PDXDC1: variants seen among roughly 807,000 people sequenced by gnomAD.
The protein encoded by PDXDC1 is pyridoxal-dependent decarboxylase domain-containing protein 1.
Under a neutral mutation model 100.1 loss-of-function variants are expected in PDXDC1, and 42 were observed. The observed-to-expected ratio is 0.42, with a 90% CI of 0.33 to 0.54. PDXDC1 has a LOEUF of 0.54. Among genes scored for constraint, PDXDC1 ranks in the 20% least tolerant of loss-of-function variants. PDXDC1 has a pLI of 0.10. For missense variants in PDXDC1, 636 were observed against 979.2 expected (o/e 0.65, Z 4.68); for synonymous variants, 260 against 371.7 (o/e 0.70, Z 3.46).
intron 16 of PDXDC1, chr16:15,104,184 C>G: frequency 3.8e-6 from 3 of 780,746 alleles, no homozygotes; most frequent in Non-Finnish European, 5.3e-6. Context: ...AAAAAAAAAA[C>G]AAATAATAAT....
At chr16:15,146,936 C>T in the PDXDC1 span, among the ~76,000 whole-genome samples, 1 of 152,056 alleles carries the variant, frequency 6.6e-6, no homozygotes, top group Non-Finnish European at 1.5e-5. Context: ...GAGACTGGAC[C>T]AAGGTCACAC....
chr16:15,061,748 A>C (rs2044720323), intron 16 of PDXDC1: 1 of 1,606,700 alleles, frequency 6.2e-7, no homozygotes, highest in Non-Finnish European at 8.5e-7. Context: ...CTGCCGTCAG[A>C]GGGGACTGGG....
At chr16:15,076,500 A>G in intron 16 of PDXDC1, 2 of 1,115,656 alleles carry the variant, frequency 1.8e-6, no homozygotes, top group South Asian at 1.2e-5. Flanking sequence ...GAGCAGCACT[A>G]GCTGTTTCCA....
At position 15,057,731 on chromosome 16, in the gene PDXDC1, G is replaced by C. The variant is rs2151745499; in HGVS notation, c.1399+27675G>C. Reference sequence around the variant, plus strand: ...TGGTACATACTAAACACTAAAGATAGCTATTATTGGAATTGCAGAGCAAAG... The same window carrying C: ...TGGTACATACTAAACACTAAAGATACCTATTATTGGAATTGCAGAGCAAAG... On this transcript the variant is annotated intron_variant, in intron 16 of 16. Transcript: ENST00000535621. 1.3e-5 allele frequency among the ~76,000 whole-genome samples: 2 copies of C among 152,288 alleles called. 1 individual carries two copies. Among genetic ancestry groups the C allele is most frequent in the South Asian group, 4.1e-4 (2 of 4,820 alleles).
chr16:15,004,840 T>G (rs1180898558), intron 5 of PDXDC1, among the ~76,000 whole-genome samples: 1 of 152,382 alleles, frequency 6.6e-6, no homozygotes, highest in East Asian at 1.9e-4. Context: ...TGATTACATA[T>G]AATACCTAAT....
chr16:15,130,788 C>A, intron 16 of PDXDC1: 3 of 1,025,802 alleles, frequency 2.9e-6, no homozygotes, highest in Non-Finnish European at 4.6e-6. Context: ...AGACAGGTAG[C>A]GGCCTGGGGC....
At chr16:15,128,271 G>A (rs536028009) in intron 16 of PDXDC1, 2 of 1,611,094 alleles carry the variant, frequency 1.2e-6, no homozygotes, top group African/African-American at 1.3e-5. Context: ...GGCTGTGCGG[G>A]GTGGCGATCC....
chr16:15,000,220 GCCTT>G (rs1376827608), intron 3 of PDXDC1, among the ~76,000 whole-genome samples: 3 of 152,292 alleles, frequency 2.0e-5, no homozygotes, highest in Admixed American at 2.0e-4. Flanking sequence ...GTAATTCTCA[GCCTT>G]AAGCCACTGA....
chr16:14,980,576 C>T (rs1967739756), intron 1 of PDXDC1, among the ~76,000 whole-genome samples: 2 of 152,254 alleles, frequency 1.3e-5, no homozygotes, highest in African/African-American at 4.8e-5. Context: ...AGCTCCACCT[C>T]CCAGGTTCAC....
rs770225850 is a variant in PDXDC1 at position 15,065,295 on chromosome 16, C to A, written c.1399+35239C>A. ...CAGATCTGCACTGAGTCTCCTCCAG[C>A]GGTACTCCTAATGACTGGCAGCATC... is the stretch of plus-strand genomic sequence containing the variant. On this transcript the variant is annotated intron_variant, in intron 16 of 16. Coordinates refer to the PDXDC1 transcript ENST00000535621. The A allele has an allele frequency of 1.9e-6, 3 of 1,613,810 alleles. No homozygotes were observed. The African/African-American group carries it at 4.0e-5, about 22-fold the overall frequency.
At chr16:15,128,068 G>A (rs201631003) in intron 16 of PDXDC1, 12 of 1,608,760 alleles carry the variant, frequency 7.5e-6, no homozygotes, top group Non-Finnish European at 1.0e-5. Context: ...TGACCAGGAA[G>A]AAGGTGCTGT....
At chr16:15,097,730 C>T (rs1353047617) in intron 16 of PDXDC1, among the ~76,000 whole-genome samples, 2 of 152,020 alleles carry the variant, frequency 1.3e-5, no homozygotes, top group East Asian at 1.9e-4. Context: ...TTGACACTTA[C>T]TCTGTGCTGC....
At position 15,036,371 on chromosome 16, in the gene PDXDC1, ACT is replaced by A; in HGVS notation, c.*97_*98del. The A allele has an allele frequency of 8.2e-7, 1 of 1,219,074 alleles. No homozygotes were observed. Among genetic ancestry groups the A allele is most frequent in the Non-Finnish European group, 1.2e-6 (1 of 863,746 alleles). The allele number at this position is 1,219,074 out of a possible 1,614,324, so 75.5% of individuals were successfully genotyped here. A position where few individuals can be genotyped will look rare whatever the true frequency, so the allele number is the denominator to read the frequency against. ...ACTGTGCCACATACTAATATAAATT[ACT>A]GTTGTTTGTGCTTCACTGGGATTTT... On this transcript the variant is annotated 3_prime_UTR_variant, in exon 23 of 23. Transcript: ENST00000396410.
downstream of PDXDC1, chr16:15,039,944 T>A: frequency 7.1e-7 from 1 of 1,407,916 alleles, no homozygotes; most frequent in African/African-American, 1.4e-5. Flanking sequence ...TTTTAACCCC[T>A]TAACAAAGAT....
intron 16 of PDXDC1, among the ~76,000 whole-genome samples, chr16:15,109,960 C>T (rs1360899678): frequency 4.5e-4 from 64 of 143,376 alleles, no homozygotes; most frequent in African/African-American, 1.2e-3. Context: ...TCGAGACCAG[C>T]CTGGACAACA....
intron 16 of PDXDC1, chr16:15,137,365 G>T (rs890015481): frequency 4.0e-6 from 6 of 1,517,670 alleles, no homozygotes; most frequent in Non-Finnish European, 4.4e-6. Context: ...TAGAGGGCTG[G>T]GCCGCCCCAC....
At chr16:15,041,731 C>T (rs763182729), downstream of PDXDC1, 2 of 1,324,636 alleles carry the variant, frequency 1.5e-6, no homozygotes, top group Non-Finnish European at 2.2e-6. Context: ...GTTACCAGAA[C>T]AAACTGCTGA....
intron 16 of PDXDC1, chr16:15,048,180 G>A: frequency 1.0e-6 from 1 of 976,066 alleles, no homozygotes; most frequent in Non-Finnish European, 1.6e-6. Context: ...GAGCCAAAGT[G>A]GGCTCTGCGT....
chr16:15,085,778 A>T (rs2045894282), intron 16 of PDXDC1: 3 of 1,580,236 alleles, frequency 1.9e-6, no homozygotes, highest in Non-Finnish European at 2.6e-6. Flanking sequence ...TTACTGACCT[A>T]GACAATGAAC....
Sources: allele counts gnomAD v4.1 joint callset (sites outside exome capture counted in the v4.1 genomes callset), GRCh38; gene constraint gnomAD v4.1.1; transcripts MANE v1.5; gene names NCBI Gene and HGNC (gene_info 2026-07-23, HGNC 2026-07-21).